The following HMGXB4 variants were observed in gnomAD, a reference collection of about 807,000 sequenced individuals.
The protein encoded by HMGXB4 is HMG-box containing 4.
In HMGXB4, 27 loss-of-function variants were observed where a neutral mutation model predicts 63.9. That is an observed-to-expected ratio of 0.42 (90% confidence interval 0.31 to 0.58). The LOEUF (loss-of-function observed/expected upper bound fraction) is 0.58, where lower values mean the gene tolerates loss of function less well. Ranked by LOEUF, HMGXB4 falls within the 20% of genes least tolerant of loss-of-function variation. The pLI, the probability that HMGXB4 is intolerant of heterozygous loss-of-function variation, is 0.13. For synonymous variants in HMGXB4, 264 were observed against 265.3 expected (o/e 0.99, Z 0.05); for missense variants, 624 against 700.7 (o/e 0.89, Z 1.24).
intron 5 of HMGXB4, among the ~76,000 whole-genome samples, chr22:35,268,624 T>C (rs968524214): frequency 1.3e-5 from 2 of 152,246 alleles, no homozygotes; most frequent in Non-Finnish European, 2.9e-5. Flanking sequence ...TCTGTCTTGC[T>C]ATCCCTAGTG....
In HMGXB4 at chr22:35,263,822, G is replaced by A. The variant is rs781401005; in HGVS notation, c.207G>A (p.Thr69=). 4.0e-5 allele frequency: 64 copies of A among 1,613,050 alleles called. No individual in the cohort carries two copies. The highest frequency in any genetic ancestry group is 5.2e-5 in the Non-Finnish European group (61 of 1,179,232). The change falls in exon 4 of 11, where the codon ACG becomes ACA. Residue 69 remains threonine, a synonymous_variant. Coordinates refer to ENST00000216106, the MANE Select transcript of HMGXB4 (RefSeq NM_001003681.3). ...ATAGTGAACTTTACTTCTTGGGGAC[G>A]GACACACACAAGAAGAAGAGGAAGC... ...LKDSELYFLG[T]DTHKKKRKHS...
chr22:35,287,305 G>T, intron 7 of HMGXB4, 42 bp from the exon 8 acceptor site: 1 of 1,448,168 alleles, frequency 6.9e-7, no homozygotes, highest in Non-Finnish European at 9.6e-7. Context: ...TTTACATTTT[G>T]TCCTTCTTAA....
upstream of HMGXB4, among the ~76,000 whole-genome samples, chr22:35,253,144 A>AAAAAAAAAAAAAAGAAAAAAAG (rs11282400): frequency 1.0e-4 from 13 of 125,376 alleles, no homozygotes; most frequent in African/African-American, 3.7e-4. Context: ...AAAAAAAAAA[A>AAAAAAAAAAAAAAGAAAAAAAG]AAAAAAGAAA....
intron 3 of HMGXB4, 127 bp downstream of exon 3, chr22:35,263,353 T>A (rs1922989246): frequency 2.8e-6 from 2 of 723,862 alleles, no homozygotes; most frequent in Non-Finnish European, 4.4e-6. Flanking sequence ...GCACAATCTC[T>A]GCTCACTGCA....
chr22:35,252,123 G>T, the HMGXB4 span, among the ~76,000 whole-genome samples: 5 of 152,292 alleles, frequency 3.3e-5, 1 homozygote, highest in East Asian at 9.6e-4. Context: ...GCTAAGGCAG[G>T]ACACTCACTT....
intron 5 of HMGXB4, among the ~76,000 whole-genome samples, chr22:35,268,240 T>TC (rs987834960): frequency 1.3e-5 from 2 of 152,136 alleles, no homozygotes; most frequent in Admixed American, 6.5e-5. Flanking sequence ...CTCCAATCCA[T>TC]CCCCAACCCC....
At chr22:35,257,124 C>T (rs911871168), upstream of HMGXB4, among the ~76,000 whole-genome samples, 7 of 152,184 alleles carry the variant, frequency 4.6e-5, no homozygotes, top group African/African-American at 1.7e-4. Context: ...ATAACAATAT[C>T]TTGAAAGAAA....
Position 35,287,659 on chromosome 22 carries a change from A to G in HMGXB4, c.1468+207A>G, listed in dbSNP as rs772623930. Among the ~76,000 whole-genome samples, 1 of 152,244 alleles carries G rather than the reference A, an allele frequency of 6.6e-6. No individual in the cohort carries two copies. Among genetic ancestry groups the G allele is most frequent in the Non-Finnish European group, 1.5e-5 (1 of 68,046 alleles). ...CAGCAAACTTTTTCTTTAAAGGTCC[A>G]GAGAGTAGACCAGGCGCAGTGGCTC... On this transcript the variant is annotated intron_variant, in intron 8 of 10. Coordinates refer to ENST00000216106, the MANE Select transcript of HMGXB4 (RefSeq NM_001003681.3).
At chr22:35,277,514 A>C (rs541494782) in intron 5 of HMGXB4, among the ~76,000 whole-genome samples, 1 of 152,158 alleles carries the variant, frequency 6.6e-6, no homozygotes, top group Non-Finnish European at 1.5e-5. Flanking sequence ...ATGCCTGGCT[A>C]ATTTTTCTGT....
At chr22:35,273,265 G>C (rs1458646469) in intron 5 of HMGXB4, among the ~76,000 whole-genome samples, 1 of 152,218 alleles carries the variant, frequency 6.6e-6, no homozygotes, top group Non-Finnish European at 1.5e-5. Flanking sequence ...ATTATCATTA[G>C]CCCCACTGAC....
intron 5 of HMGXB4, among the ~76,000 whole-genome samples, chr22:35,270,492 G>A (rs371360301): frequency 6.6e-6 from 1 of 152,256 alleles, no homozygotes; most frequent in South Asian, 2.1e-4. Flanking sequence ...GAATTATCCC[G>A]AACTCTGCCC....
At chr22:35,252,499 C>A (rs376913693), upstream of HMGXB4, among the ~76,000 whole-genome samples, 1 of 152,210 alleles carries the variant, frequency 6.6e-6, no homozygotes, top group Non-Finnish European at 1.5e-5. Flanking sequence ...TGTTTCACTT[C>A]GAATAATCTC....
intron 5 of HMGXB4, among the ~76,000 whole-genome samples, chr22:35,280,105 G>A (rs1406757542): frequency 6.6e-6 from 1 of 151,920 alleles, no homozygotes; most frequent in Admixed American, 6.6e-5. Context: ...CTAACTCAGA[G>A]TCAACTCACT....
Position 35,265,182 on chromosome 22 carries a change from A to C in HMGXB4, c.794A>C (p.Glu265Ala). ...SSDAHSSPGP[E>A]GCGSDASQFA... ...GACGCACATTCATCTCCTGGCCCTGAAGGCTGTGGGTCTGACGCCTCCCAG... is the reference window on the plus strand; with the variant it reads ...GACGCACATTCATCTCCTGGCCCTGCAGGCTGTGGGTCTGACGCCTCCCAG... The change falls in exon 5 of 11, where the codon GAA (glutamate) becomes GCA (alanine). Residue 265 changes from glutamate (E) to alanine (A), a missense_variant. By Grantham distance (107) the Glu-to-Ala change is moderately radical (BLOSUM62 -1). This residue lies in a region of HMGXB4 where 472 missense variants were observed against 470.6 expected (regional missense o/e 1.00). Transcript: ENST00000216106. 6.2e-7 allele frequency: 1 copy of C among 1,614,106 alleles called. No homozygotes were observed. The highest frequency in any genetic ancestry group is 8.5e-7 in the Non-Finnish European group (1 of 1,180,010).
chr22:35,275,715 G>A (rs560594937), intron 5 of HMGXB4, among the ~76,000 whole-genome samples: 1 of 152,158 alleles, frequency 6.6e-6, no homozygotes, highest in Admixed American at 6.5e-5. Flanking sequence ...CTCCATCCTG[G>A]GTGACACAGC....
chr22:35,272,110 C>T (rs1923640198), intron 5 of HMGXB4, among the ~76,000 whole-genome samples: 1 of 152,034 alleles, frequency 6.6e-6, no homozygotes, highest in South Asian at 2.1e-4. Flanking sequence ...AAATTGAGCT[C>T]AGAGCAGAAT....
At chr22:35,253,132 CAAAAAAAA>C (rs554912249), upstream of HMGXB4, among the ~76,000 whole-genome samples, 1 of 96,590 alleles carries the variant, frequency 1.0e-5, no homozygotes. Context: ...AACTCCATCT[CAAAAAAAA>C]AAAAAAAAAA....
rs1922924388 is a variant in HMGXB4, at chr22:35,262,484, T to C, written c.31+63T>C. The C allele has an allele frequency of 1.1e-5, 17 of 1,497,082 alleles. No individual in the cohort carries two copies. In the South Asian group the frequency reaches 1.9e-4, roughly 17 times the overall value. 92.7% of individuals were successfully genotyped at this position (1,497,082 alleles called of 1,614,324 possible). ...TATCCTCTTCAATCCTTGCAGCCCA[T>C]GGATATAGAGACCAGGACTGGGCAC... On this transcript the variant is annotated intron_variant, in intron 2 of 10. Transcript: ENST00000216106.
At chr22:35,272,136 T>C (rs775267774) in intron 5 of HMGXB4, among the ~76,000 whole-genome samples, 19 of 152,254 alleles carry the variant, frequency 1.2e-4, no homozygotes, top group Non-Finnish European at 2.1e-4. Context: ...AGAACACTTA[T>C]ACAGGGGCAT....
Sources: gnomAD v4.1 joint callset for allele counts (sites outside exome capture counted in the v4.1 genomes callset) on GRCh38, gnomAD v4.1.1 for gene constraint, gnomAD v4.1.1 regional missense constraint, MANE v1.5 for transcripts, NCBI Gene and HGNC (gene_info 2026-07-23, HGNC 2026-07-21) for gene names.